Variants in NRXN3 observed in about 807,000 individuals in gnomAD.
NRXN3 encodes the protein neurexin III.
A neutral mutation model predicts 137.6 loss-of-function variants in NRXN3; 32 were observed. That is an observed-to-expected ratio of 0.23 (90% CI 0.18 to 0.31). The LOEUF (loss-of-function observed/expected upper bound fraction) is 0.31. Ranked by LOEUF, NRXN3 falls within the 10% of genes least tolerant of loss-of-function variation. The pLI, the probability that NRXN3 is intolerant of heterozygous loss-of-function variation, is 1.00. For synonymous variants in NRXN3, 798 were observed against 784.5 expected (o/e 1.02, Z -0.29); for missense variants, 1,574 against 2,062.5 (o/e 0.76, Z 4.59).
At chr14:79,418,848 A>G (rs1314655199) in intron 15 of NRXN3, among the ~76,000 whole-genome samples, 1 of 152,226 alleles carries the variant, frequency 6.6e-6, no homozygotes, top group South Asian at 2.1e-4. Flanking sequence ...CAAGCCCTGC[A>G]TCTGCCACAG....
intron 8 of NRXN3, among the ~76,000 whole-genome samples, chr14:78,762,948 A>T (rs2098697412): frequency 6.6e-6 from 1 of 152,222 alleles, no homozygotes. Flanking sequence ...CATGCTGTCC[A>T]GAGTTCTTCA....
intron 4 of NRXN3, among the ~76,000 whole-genome samples, chr14:78,455,474 C>T (rs533124670): frequency 1.7e-4 from 26 of 152,326 alleles, no homozygotes; most frequent in African/African-American, 5.3e-4. Context: ...CCGCTGGGTG[C>T]TTGCTTGTCT....
chr14:79,441,341 G>T (rs1600333350), intron 15 of NRXN3, among the ~76,000 whole-genome samples: 1 of 126,968 alleles, frequency 7.9e-6, no homozygotes, highest in African/African-American at 2.9e-5. Context: ...AATGCTGAAA[G>T]AATATCCCTG....
At chr14:78,793,932 A>ACAACT (rs1251246762) in intron 8 of NRXN3, among the ~76,000 whole-genome samples, 2 of 152,120 alleles carry the variant, frequency 1.3e-5, no homozygotes, top group Admixed American at 6.6e-5. Context: ...CACAGTTTGA[A>ACAACT]CAACTCAGAT....
At chr14:78,872,152 G>A (rs1049133982) in intron 10 of NRXN3, among the ~76,000 whole-genome samples, 2 of 151,044 alleles carry the variant, frequency 1.3e-5, no homozygotes, top group African/African-American at 2.4e-5. Flanking sequence ...ATACATCAAT[G>A]TTGATTTTAG....
chr14:78,454,919 C>G (rs183459112), intron 4 of NRXN3, among the ~76,000 whole-genome samples: 3 of 152,148 alleles, frequency 2.0e-5, no homozygotes, highest in Non-Finnish European at 4.4e-5. Flanking sequence ...TTGCAAGCCA[C>G]GAGGAGTTTG....
At position 78,174,201 on chromosome 14, in the gene NRXN3, G is replaced by A. The variant is rs10145597; in HGVS notation, c.-704+3527G>A. On this transcript the variant is annotated intron_variant, in intron 1 of 20. Transcript: ENST00000335750. ...AACCATCCATGAAATATATGTTTGC[G>A]GTACATTGGAGGAAGGTTATGTGGG... 8.5e-3 allele frequency among the ~76,000 whole-genome samples: 1,290 copies of A among 152,164 alleles called. 17 individuals are homozygous for A. The highest frequency in any genetic ancestry group is 0.028 in the African/African-American group (1,163 of 41,492).
At chr14:78,220,347 G>A (rs1211063761) in intron 1 of NRXN3, among the ~76,000 whole-genome samples, 2 of 152,060 alleles carry the variant, frequency 1.3e-5, no homozygotes, top group Non-Finnish European at 2.9e-5. Flanking sequence ...GGTGTGCAGA[G>A]AGGGAGGAGG....
chr14:78,393,295 T>C (rs1218383430), intron 4 of NRXN3, among the ~76,000 whole-genome samples: 2 of 152,054 alleles, frequency 1.3e-5, no homozygotes, highest in East Asian at 3.9e-4. Flanking sequence ...TTTATACAGT[T>C]TCCTCTATAG....
At chr14:79,753,511 A>G (rs1411895554) in intron 19 of NRXN3, among the ~76,000 whole-genome samples, 1 of 140,276 alleles carries the variant, frequency 7.1e-6, no homozygotes, top group East Asian at 2.2e-4. Context: ...ATAGATGGGA[A>G]TTGAACAATG....
chr14:78,666,563 C>T (rs1403250232), intron 6 of NRXN3, among the ~76,000 whole-genome samples: 1 of 152,198 alleles, frequency 6.6e-6, no homozygotes, highest in Non-Finnish European at 1.5e-5. Context: ...TTAGAAACCT[C>T]AAAGTGAGAT....
intron 15 of NRXN3, among the ~76,000 whole-genome samples, chr14:79,270,255 G>A (rs2079095970): frequency 6.6e-6 from 1 of 152,088 alleles, no homozygotes; most frequent in African/African-American, 2.4e-5. Flanking sequence ...TCCAAATGTT[G>A]GAAAGTGATT....
At chr14:78,351,879 T>TA (rs890884074) in intron 4 of NRXN3, among the ~76,000 whole-genome samples, 7 of 151,628 alleles carry the variant, frequency 4.6e-5, no homozygotes, top group Non-Finnish European at 8.8e-5. Context: ...TATGCCTTAT[T>TA]AAAAAAAATC....
chr14:78,734,496 G>T (rs1354963188), intron 8 of NRXN3, among the ~76,000 whole-genome samples: 1 of 152,172 alleles, frequency 6.6e-6, no homozygotes, highest in East Asian at 1.9e-4. Flanking sequence ...AGGTACAATG[G>T]TGGGCAAAAT....
intron 4 of NRXN3, among the ~76,000 whole-genome samples, chr14:78,571,381 A>G (rs2152315147): frequency 6.6e-6 from 1 of 152,254 alleles, no homozygotes; most frequent in South Asian, 2.1e-4. Context: ...TTCTCTTCAA[A>G]CTCAGAAGAG....
intron 4 of NRXN3, among the ~76,000 whole-genome samples, chr14:78,444,280 G>C (rs1282566518): frequency 6.6e-6 from 1 of 152,222 alleles, no homozygotes; most frequent in Non-Finnish European, 1.5e-5. Flanking sequence ...GAGGATTTCA[G>C]TTGCTGTAGG....
intron 6 of NRXN3, among the ~76,000 whole-genome samples, chr14:78,704,676 G>A (rs1349412747): frequency 6.6e-6 from 1 of 152,132 alleles, no homozygotes; most frequent in Non-Finnish European, 1.5e-5. Context: ...AGTGCAGTCA[G>A]AGAGATAAGG....
chr14:79,838,343 C>T (rs781018415), intron 20 of NRXN3, among the ~76,000 whole-genome samples: 1 of 152,186 alleles, frequency 6.6e-6, no homozygotes, highest in Non-Finnish European at 1.5e-5. Context: ...TGTGTGTGAA[C>T]ACATTAAACT....
chr14:79,692,766 G>A (rs2098721207), intron 18 of NRXN3, among the ~76,000 whole-genome samples: 1 of 151,738 alleles, frequency 6.6e-6, no homozygotes, highest in South Asian at 2.1e-4. Context: ...TGTAAGGGGA[G>A]CATTTTTTTT....
Sources: allele counts gnomAD v4.1 joint callset (sites outside exome capture counted in the v4.1 genomes callset), GRCh38; gene constraint gnomAD v4.1.1; transcripts MANE v1.5; gene names NCBI Gene and HGNC (gene_info 2026-07-23, HGNC 2026-07-21).